OXR1: variants seen among roughly 807,000 people sequenced by gnomAD.
The protein encoded by OXR1 is oxidation resistance protein 1.
In OXR1, 41 loss-of-function variants were observed where a neutral mutation model predicts 104.6. The observed-to-expected ratio is 0.39, with a 90% confidence interval of 0.31 to 0.51. The LOEUF is 0.51. OXR1 is among the 20% of genes least tolerant of loss of function. The pLI, the probability that OXR1 is intolerant of heterozygous loss-of-function variation, is 0.77. For synonymous variants in OXR1, 348 were observed against 348.4 expected (o/e 1.00, Z 0.01); for missense variants, 955 against 1,031.9 (o/e 0.93, Z 1.02).
intron 2 of OXR1, among the ~76,000 whole-genome samples, chr8:106,414,238 T>C (rs1818579087): frequency 1.3e-5 from 2 of 152,122 alleles, no homozygotes; most frequent in South Asian, 4.2e-4. Flanking sequence ...CTGCCAATGA[T>C]TTATCAGTGA....
At chr8:106,505,970 A>G (rs1009130697) in intron 2 of OXR1, among the ~76,000 whole-genome samples, 9 of 152,222 alleles carry the variant, frequency 5.9e-5, no homozygotes, top group African/African-American at 2.2e-4. Flanking sequence ...AGAGAGCAGC[A>G]TGGAGGCTTT....
At chr8:106,679,139 C>A in intron 3 of OXR1, 71 bp from the exon 4 acceptor site, 1 of 860,342 alleles carries the variant, frequency 1.2e-6, no homozygotes, top group South Asian at 1.5e-5. Flanking sequence ...CCAAAGAGCT[C>A]TATTCAGTAG....
In OXR1 at chr8:106,278,404, A is replaced by G. The variant is rs191651060; in HGVS notation, c.-139+8037A>G. 2.5e-3 allele frequency among the ~76,000 whole-genome samples: 382 copies of G among 152,182 alleles called. 1 individual carries two copies. Among genetic ancestry groups the G allele is most frequent in the Non-Finnish European group, 3.5e-3 (237 of 67,996 alleles). ...TACTAACCTCTGGTCCTTCATCTAC[A>G]TACCAAATTACACTTTACAGGAAGG... On this transcript the variant is annotated intron_variant, in intron 1 of 16. Coordinates refer to ENST00000517566, the MANE Select transcript of OXR1 (RefSeq NM_001198533.2).
chr8:106,559,160 C>G (rs569243755), intron 3 of OXR1, among the ~76,000 whole-genome samples: 35 of 152,332 alleles, frequency 2.3e-4, no homozygotes, highest in African/African-American at 6.5e-4. Context: ...CCACAAAACA[C>G]TGGGACACGA....
intron 2 of OXR1, among the ~76,000 whole-genome samples, chr8:106,463,685 T>C (rs1821026348): frequency 6.6e-6 from 1 of 152,144 alleles, no homozygotes; most frequent in Non-Finnish European, 1.5e-5. Flanking sequence ...GCCACTTACC[T>C]GCTGTGTAAC....
chr8:106,406,112 C>T (rs891747596), intron 2 of OXR1, among the ~76,000 whole-genome samples: 1 of 152,132 alleles, frequency 6.6e-6, no homozygotes, highest in African/African-American at 2.4e-5. Context: ...CTGTCTGTAT[C>T]TTACCCCGAC....
chr8:106,270,557 G>C (rs974226034), intron 1 of OXR1, among the ~76,000 whole-genome samples, 190 bp downstream of exon 1: 1 of 152,162 alleles, frequency 6.6e-6, no homozygotes, highest in Non-Finnish European at 1.5e-5. Context: ...CGGGGACGAC[G>C]GGCAGAGCAG....
intron 3 of OXR1, among the ~76,000 whole-genome samples, chr8:106,617,602 A>G (rs1821350967): frequency 6.6e-6 from 1 of 152,256 alleles, no homozygotes. Context: ...TATATCCATT[A>G]TGATGCAATT....
chr8:106,465,409 G>T (rs541705263), intron 2 of OXR1, among the ~76,000 whole-genome samples: 26 of 152,034 alleles, frequency 1.7e-4, no homozygotes, highest in African/African-American at 6.0e-4. Flanking sequence ...AGAGACTTTC[G>T]CTTTAACACT....
chr8:106,670,479 G>A (rs753262457), intron 3 of OXR1, among the ~76,000 whole-genome samples: 1 of 152,128 alleles, frequency 6.6e-6, no homozygotes, highest in Non-Finnish European at 1.5e-5. Flanking sequence ...CAGGCCCACG[G>A]TAACTCTAGA....
intron 2 of OXR1, among the ~76,000 whole-genome samples, chr8:106,470,796 C>CAT (rs1347337935): frequency 1.3e-5 from 2 of 151,636 alleles, no homozygotes. Context: ...TATGAAAAGA[C>CAT]ATATGAGTGT....
chr8:106,587,269 T>C (rs1818701626), intron 3 of OXR1, among the ~76,000 whole-genome samples: 2 of 151,974 alleles, frequency 1.3e-5, no homozygotes, highest in Admixed American at 6.6e-5. Flanking sequence ...GGAAGTTCTC[T>C]AATTTTTTTT....
At chr8:106,546,872 C>T (rs1225203155) in intron 3 of OXR1, among the ~76,000 whole-genome samples, 3 of 152,102 alleles carry the variant, frequency 2.0e-5, no homozygotes, top group African/African-American at 4.8e-5. Flanking sequence ...ACATACATAA[C>T]ATGAAATTTA....
intron 3 of OXR1, among the ~76,000 whole-genome samples, chr8:106,521,519 G>GTGT (rs10636830): frequency 0.84 from 127,481 of 151,636 alleles, 53,789 homozygotes; most frequent in African/African-American, 0.88. Context: ...AGCTGGAGGA[G>GTGT]TGTTGTTGTT....
intron 3 of OXR1, among the ~76,000 whole-genome samples, chr8:106,610,335 T>G (rs1400321576): frequency 6.6e-6 from 1 of 152,168 alleles, no homozygotes; most frequent in Non-Finnish European, 1.5e-5. Flanking sequence ...TTCTAAGTAG[T>G]CCCCTGCATT....
chr8:106,578,517 T>A (rs1250923082), intron 3 of OXR1, among the ~76,000 whole-genome samples: 1 of 152,240 alleles, frequency 6.6e-6, no homozygotes, highest in Non-Finnish European at 1.5e-5. Flanking sequence ...TGAGTTCATA[T>A]ACATAATATT....
chr8:106,588,377 G>A (rs1480802381), intron 3 of OXR1, among the ~76,000 whole-genome samples: 1 of 152,030 alleles, frequency 6.6e-6, no homozygotes, highest in Non-Finnish European at 1.5e-5. Flanking sequence ...CCAGATATTG[G>A]GTTAACTGAG....
At chr8:106,285,307 T>G (rs1812450670) in intron 1 of OXR1, among the ~76,000 whole-genome samples, 1 of 152,200 alleles carries the variant, frequency 6.6e-6, no homozygotes, top group Admixed American at 6.6e-5. Flanking sequence ...AGTTTTCATT[T>G]CATGCTTATA....
At chr8:106,542,338 T>G (rs904756281) in intron 3 of OXR1, among the ~76,000 whole-genome samples, 1 of 152,162 alleles carries the variant, frequency 6.6e-6, no homozygotes, top group Non-Finnish European at 1.5e-5. Flanking sequence ...AAACTGGTGT[T>G]GCACTTGACT....
Sources: gnomAD v4.1 joint callset for allele counts (sites outside exome capture counted in the v4.1 genomes callset) on GRCh38, gnomAD v4.1.1 for gene constraint, MANE v1.5 for transcripts, NCBI Gene and HGNC (gene_info 2026-07-23, HGNC 2026-07-21) for gene names.